WDFY2: variants seen among roughly 807,000 people sequenced by gnomAD.
The protein encoded by WDFY2 is WD repeat and FYVE domain-containing protein 2.
Under a neutral mutation model 56.4 loss-of-function variants are expected in WDFY2, and 36 were observed. The ratio of observed to expected loss-of-function variants is 0.64; its 90% CI spans 0.49 to 0.84. The LOEUF (loss-of-function observed/expected upper bound fraction) is 0.84. Ranked by LOEUF, WDFY2 falls within the 40% of genes least tolerant of loss-of-function variation. The pLI is 0.00. For synonymous variants in WDFY2, 176 were observed against 183.7 expected (o/e 0.96, Z 0.34); for missense variants, 444 against 512.2 (o/e 0.87, Z 1.29).
At chr13:51,719,701 A>G (rs1224981615) in intron 5 of WDFY2, among the ~76,000 whole-genome samples, 4 of 152,218 alleles carry the variant, frequency 2.6e-5, no homozygotes, top group Admixed American at 2.0e-4. Context: ...CTCTTTGTAC[A>G]GAAGTAATTT....
intron 1 of WDFY2, among the ~76,000 whole-genome samples, chr13:51,646,594 C>G (rs1231143762): frequency 6.6e-6 from 1 of 152,132 alleles, no homozygotes; most frequent in Non-Finnish European, 1.5e-5. Flanking sequence ...ATACCAGTAC[C>G]TAGTAGGTGT....
intron 3 of WDFY2, among the ~76,000 whole-genome samples, chr13:51,681,460 C>G (rs927294016): frequency 8.5e-5 from 13 of 152,100 alleles, no homozygotes; most frequent in African/African-American, 2.7e-4. Flanking sequence ...ATGGGGCCTC[C>G]TCCTTTTAAA....
chr13:51,719,810 G>T lies in WDFY2; in HGVS notation c.485+462G>T, dbSNP rs76579424. Among the ~76,000 whole-genome samples the T allele has an allele frequency of 2.0e-3, 298 of 152,310 alleles. 2 individuals carry two copies. The highest frequency in any genetic ancestry group is 6.9e-3 in the African/African-American group (285 of 41,568). On this transcript the variant is annotated intron_variant, in intron 5 of 11. Coordinates refer to ENST00000298125, the MANE Select transcript of WDFY2 (RefSeq NM_052950.4). Reference sequence around the variant, plus strand: ...TAAATAGTTATTGAGAGGTTACCATGCCAGGACCAGAGTGGGTGAGCTGGT... The same window carrying T: ...TAAATAGTTATTGAGAGGTTACCATTCCAGGACCAGAGTGGGTGAGCTGGT...
chr13:51,586,210 G>T (rs536607429), intron 1 of WDFY2: 1 of 395,832 alleles, frequency 2.5e-6, no homozygotes, highest in East Asian at 3.6e-5. Context: ...TCTGGACCTA[G>T]AAATTCTTTG....
chr13:51,704,724 TA>T (rs1324208215), intron 4 of WDFY2, among the ~76,000 whole-genome samples: 1 of 152,148 alleles, frequency 6.6e-6, no homozygotes, highest in East Asian at 1.9e-4. Context: ...CCTGAGCCTT[TA>T]TTCTTTAAAA....
intron 4 of WDFY2, among the ~76,000 whole-genome samples, chr13:51,718,559 TACACACACACACACACACACACAC>T (rs71192015): frequency 7.2e-6 from 1 of 138,684 alleles, no homozygotes; most frequent in East Asian, 2.2e-4. Context: ...TTATCATTCA[TACACACACACACACACACACACAC>T]ACACACACAC....
chr13:51,682,884 C>T (rs1956001718), intron 3 of WDFY2, among the ~76,000 whole-genome samples: 1 of 152,168 alleles, frequency 6.6e-6, no homozygotes. Context: ...ATGTCTTAGT[C>T]ATGGCATATT....
Position 51,677,364 on chromosome 13 carries a change from G to A in WDFY2, c.279+2121G>A, listed in dbSNP as rs1955905700. ...TCTATGGAATTAGAAAGAGTTCTAT[G>A]TTAGGGAAAGATACATTGAGAGAAC... On this transcript the variant is annotated intron_variant, in intron 3 of 11. Coordinates refer to ENST00000298125, the MANE Select transcript of WDFY2 (RefSeq NM_052950.4). Among the ~76,000 whole-genome samples, 3 of 152,174 alleles carry A rather than the reference G, an allele frequency of 2.0e-5. 1 individual carries two copies. Among genetic ancestry groups the A allele is most frequent in the Admixed American group, 2.0e-4 (3 of 15,262 alleles).
chr13:51,620,198 A>G (rs1318075028), intron 1 of WDFY2, among the ~76,000 whole-genome samples: 1 of 125,576 alleles, frequency 8.0e-6, no homozygotes. Context: ...TTTCCTCACT[A>G]AGATGGCATC....
At chr13:51,609,964 A>T (rs1954464590) in intron 1 of WDFY2, among the ~76,000 whole-genome samples, 1 of 152,184 alleles carries the variant, frequency 6.6e-6, no homozygotes, top group Non-Finnish European at 1.5e-5. Context: ...GATTGGTCAA[A>T]GATGGAACTG....
At chr13:51,665,952 C>T (rs1013624706) in intron 2 of WDFY2, among the ~76,000 whole-genome samples, 13 of 152,182 alleles carry the variant, frequency 8.5e-5, no homozygotes, top group African/African-American at 3.1e-4. Flanking sequence ...CCTGTCTTGT[C>T]ACCTTCCCAG....
At chr13:51,588,943 G>A (rs1953994977) in intron 1 of WDFY2, 1 of 152,188 alleles carries the variant, frequency 6.6e-6, no homozygotes, top group East Asian at 1.9e-4. Flanking sequence ...CTATAGAGAA[G>A]AAAGTTACTG....
chr13:51,748,600 G>C (rs935663151), intron 7 of WDFY2, among the ~76,000 whole-genome samples: 1 of 151,952 alleles, frequency 6.6e-6, no homozygotes, highest in East Asian at 1.9e-4. Flanking sequence ...CTTTTCACAC[G>C]TGAGTACTCC....
chr13:51,695,740 G>A (rs1403296415), intron 3 of WDFY2, among the ~76,000 whole-genome samples: 1 of 152,258 alleles, frequency 6.6e-6, no homozygotes, highest in Non-Finnish European at 1.5e-5. Flanking sequence ...ATTTAAGTCT[G>A]CAGAGGTTAC....
intron 3 of WDFY2, among the ~76,000 whole-genome samples, chr13:51,695,560 T>A (rs1217905715): frequency 1.3e-5 from 2 of 152,110 alleles, no homozygotes; most frequent in Non-Finnish European, 2.9e-5. Context: ...CTCAGAGGAG[T>A]ACCCAGCTGT....
intron 1 of WDFY2, among the ~76,000 whole-genome samples, chr13:51,651,288 G>A (rs1431019477): frequency 9.2e-5 from 14 of 152,074 alleles, no homozygotes; most frequent in Admixed American, 7.9e-4. Flanking sequence ...TATTGCGTCT[G>A]TTTGATTCTT....
At chr13:51,587,813 A>G (rs1229469432) in intron 1 of WDFY2, 1 of 152,218 alleles carries the variant, frequency 6.6e-6, no homozygotes, top group Non-Finnish European at 1.5e-5. Flanking sequence ...AATCTGTATT[A>G]TCCCCTAAAT....
intron 6 of WDFY2, among the ~76,000 whole-genome samples, chr13:51,731,921 G>A (rs964072007): frequency 1.3e-5 from 2 of 152,128 alleles, no homozygotes; most frequent in Non-Finnish European, 2.9e-5. Flanking sequence ...GGGTTAATGA[G>A]GGAATCGACC....
At chr13:51,691,833 GGAATGTTCTT>G (rs1200339168) in intron 3 of WDFY2, among the ~76,000 whole-genome samples, 1 of 151,900 alleles carries the variant, frequency 6.6e-6, no homozygotes, top group Non-Finnish European at 1.5e-5. Flanking sequence ...CCATGAGCAT[GGAATGTTCTT>G]CCATTTGTTT....
Sources: allele counts gnomAD v4.1 joint callset (sites outside exome capture counted in the v4.1 genomes callset), GRCh38; gene constraint gnomAD v4.1.1; transcripts MANE v1.5; gene names NCBI Gene and HGNC (gene_info 2026-07-23, HGNC 2026-07-21).